GRAMD1A: variants seen among roughly 807,000 people sequenced by gnomAD.
GRAMD1A encodes the protein protein Aster-A.
GRAMD1A carries 50 observed loss-of-function variants against 92.0 expected under a neutral mutation model. The ratio of observed to expected loss-of-function variants is 0.54; its 90% CI spans 0.43 to 0.69. GRAMD1A has a LOEUF of 0.69. GRAMD1A is among the 30% of genes least tolerant of loss of function. The probability of loss-of-function intolerance (pLI) is 0.00; values close to 1 mark genes in which losing one functional copy is unlikely to be tolerated. For synonymous variants in GRAMD1A, 405 were observed against 403.6 expected, an observed-to-expected ratio of 1.00 and a Z score of -0.04; for missense variants, 819 against 978.9, an observed-to-expected ratio of 0.84 and a Z score of 2.18.
At chr19:35,005,999 A>G (rs1390473921) in intron 1 of GRAMD1A, 1 of 456,028 alleles carries the variant, frequency 2.2e-6, no homozygotes, top group African/African-American at 2.0e-5. Context: ...AGAATACATC[A>G]AGGCCCCTAA....
chr19:34,998,806 T>G (rs2014152945), upstream of GRAMD1A, among the ~76,000 whole-genome samples: 5 of 122,906 alleles, frequency 4.1e-5, no homozygotes, highest in African/African-American at 3.1e-5. Context: ...GGCACGGCGA[T>G]AGGGGGGGTG....
At chr19:34,995,584 T>TTTTG (rs2014002475), upstream of GRAMD1A, among the ~76,000 whole-genome samples, 1 of 143,738 alleles carries the variant, frequency 7.0e-6, no homozygotes, top group African/African-American at 2.6e-5. Flanking sequence ...TTTTTTTTTT[T>TTTTG]TTTTTTTTTT....
chr19:35,016,031 A>G, intron 11 of GRAMD1A, 64 bp downstream of exon 11: 1 of 1,546,224 alleles, frequency 6.5e-7, no homozygotes, highest in Non-Finnish European at 8.8e-7. Context: ...GAGGAAGGGT[A>G]GCCCAGGACA....
At chr19:35,007,614 C>T (rs2014919119) in intron 1 of GRAMD1A, among the ~76,000 whole-genome samples, 1 of 152,002 alleles carries the variant, frequency 6.6e-6, no homozygotes, top group Non-Finnish European at 1.5e-5. Context: ...CCTGTAATAC[C>T]AGCACTTTGG....
chr19:35,016,298 G>C (rs562016535), intron 11 of GRAMD1A, among the ~76,000 whole-genome samples: 2 of 142,562 alleles, frequency 1.4e-5, no homozygotes. Flanking sequence ...ATAAATACAA[G>C]TTAAGAGGCT....
In GRAMD1A at chr19:35,015,976, G is replaced by T. The variant is rs902646824; in HGVS notation, c.1213+9G>T. 6.2e-7 allele frequency: 1 copy of T among 1,611,364 alleles called. No individual in the cohort carries two copies. Among genetic ancestry groups the T allele is most frequent in the Middle Eastern group, 1.7e-4 (1 of 6,044 alleles). ...GCAGTGCAAGTTCACAGGTCAGCGG[G>T]CGCATGAAGGAGAGGCTGAGGTTAC... is the stretch of plus-strand genomic sequence containing the variant. On this transcript the variant is annotated intron_variant, in intron 11 of 19. Coordinates refer to ENST00000317991, the MANE Select transcript of GRAMD1A (RefSeq NM_020895.5).
chr19:35,019,371 C>A lies in GRAMD1A; in HGVS notation c.1333-20C>A. The A allele has an allele frequency of 6.2e-7, 1 of 1,613,558 alleles. No homozygotes were observed. The highest frequency in any genetic ancestry group is 1.1e-5 in the South Asian group (1 of 91,044). On this transcript the variant is annotated intron_variant, in intron 12 of 19. Transcript: ENST00000317991. ...TGGGTGAGTGGGGTGGCCCTGACTT[C>A]TCCGGCTCTGTCCCTGCAGACGCTG...
rs1347989738 is a variant in GRAMD1A, at chr19:35,014,289, A to G, written c.971A>G (p.Gln324Arg). The change falls in exon 10 of 20, where the codon CAG (glutamine) becomes CGG (arginine). Residue 324 changes from glutamine (Q) to arginine (R), a missense_variant. Physicochemically the swap from Gln to Arg is conservative, Grantham distance 43. Around this residue, in one of 3 missense-constraint regions of GRAMD1A, gnomAD observed 577 missense variants for 674.6 expected, o/e 0.86. Transcript: ENST00000317991. ...GAACCCCCGAGCACAGAGCCCACCC[A>G]GCCTGACGGGCCCACCACCCTGGGC... ...VAEPPSTEPTQPDGPTTLGPL... is the reference protein window; with the variant it reads ...VAEPPSTEPTRPDGPTTLGPL... 4 of 1,613,978 alleles carry G rather than the reference A, an allele frequency of 2.5e-6. No individual in the cohort carries two copies. The highest frequency in any genetic ancestry group is 1.7e-5 in the Admixed American group (1 of 60,004).
At position 35,016,094 on chromosome 19, in the gene GRAMD1A, C is replaced by G. The variant is rs973225363; in HGVS notation, c.1213+127C>G. 1.2e-5 allele frequency: 12 copies of G among 998,230 alleles called. No homozygotes were observed. The African/African-American group carries it at 1.8e-4, about 15-fold the overall frequency. 61.8% of individuals were successfully genotyped at this position (998,230 alleles called of 1,614,324 possible). On this transcript the variant is annotated intron_variant, in intron 11 of 19. Transcript: ENST00000317991. ...AAGGCGAGGTGGTGAAAAGCAATGT[C>G]TGTCAGACCAGAAGCAGCTCTGCCA...
Position 35,013,145 on chromosome 19 carries a change from C to T in GRAMD1A, c.607-111C>T. ...GTCTGGTGCGGGAGATCGTGGCTGCCTCCTTGTGGAAGCCAGGGGAACTGC... is the reference window on the plus strand; with the variant it reads ...GTCTGGTGCGGGAGATCGTGGCTGCTTCCTTGTGGAAGCCAGGGGAACTGC... On this transcript the variant is annotated intron_variant, in intron 7 of 19. Coordinates refer to ENST00000317991, the MANE Select transcript of GRAMD1A (RefSeq NM_020895.5). This position sits in a 1 kb window ranked among gnomAD's most constrained non-coding sequence, Gnocchi z 4.9. The T allele has an allele frequency of 1.6e-6, 1 of 630,036 alleles. No individual in the cohort carries two copies. Among genetic ancestry groups the T allele is most frequent in the East Asian group, 2.8e-5 (1 of 36,292 alleles). The allele number at this position is 630,036 out of a possible 1,614,324, so 39.0% of individuals were successfully genotyped here.
In GRAMD1A at chr19:35,022,917, G is replaced by A. The variant is rs751602984; in HGVS notation, c.1853+6G>A. On this transcript the variant is annotated splice_donor_region_variant and intron_variant, in intron 17 of 19. Coordinates refer to ENST00000317991, the MANE Select transcript of GRAMD1A (RefSeq NM_020895.5). ...TGCTGCAGGATCTGTGTGAGGTAGG[G>A]TCCCGAGTCCTCCCCCTGCCCTCCC... The A allele has an allele frequency of 1.1e-5, 18 of 1,596,714 alleles. No individual in the cohort carries two copies. The highest frequency in any genetic ancestry group is 1.5e-5 in the Non-Finnish European group (17 of 1,170,690).
intron 10 of GRAMD1A, 76 bp from the exon 11 acceptor site, chr19:35,015,748 G>C: frequency 1.4e-6 from 2 of 1,443,192 alleles, no homozygotes; most frequent in East Asian, 2.3e-5. Context: ...ACAAGGCCTG[G>C]GAGTGGGGAG....
Position 35,021,541 on chromosome 19 carries a change from C to A in GRAMD1A, c.1515C>A (p.Ser505Arg). The change falls in exon 14 of 20, where the codon AGC becomes AGA. Residue 505 changes from serine (S) to arginine (R), a missense_variant. By Grantham distance (110) the Ser-to-Arg change is moderately radical (BLOSUM62 -1). Around this residue, in one of 3 missense-constraint regions of GRAMD1A, gnomAD observed 577 missense variants for 674.6 expected, o/e 0.86. Transcript: ENST00000317991. The surrounding 1 kb of genome is among the most constrained non-coding windows in gnomAD (Gnocchi z 5.3). ...SEIRYRKQPWSLVKSLIEKNS... is the reference protein window; with the variant it reads ...SEIRYRKQPWRLVKSLIEKNS... ...TCCGCTACCGAAAGCAGCCGTGGAG[C>A]CTGGTGAAGTCGCTCATTGAGAAGA... 1 of 1,614,124 alleles carries A rather than the reference C, an allele frequency of 6.2e-7. No individual in the cohort carries two copies. The highest frequency in any genetic ancestry group is 8.5e-7 in the Non-Finnish European group (1 of 1,179,940).
Position 35,023,774 on chromosome 19 carries a change from G to A in GRAMD1A, c.2082+227G>A, listed in dbSNP as rs1000207779. ...ACGTCCTGGAGAAAAGTCCAGAGGCGTCTCACATTAGGCACGGCCGGGTTT... is the reference window on the plus strand; with the variant it reads ...ACGTCCTGGAGAAAAGTCCAGAGGCATCTCACATTAGGCACGGCCGGGTTT... On this transcript the variant is annotated intron_variant, in intron 19 of 19. Coordinates refer to ENST00000317991, the MANE Select transcript of GRAMD1A (RefSeq NM_020895.5). The A allele has an allele frequency of 1.5e-5, 7 of 472,286 alleles. No homozygotes were observed. In the Admixed American group the frequency reaches 1.5e-4, roughly 10 times the overall value. The allele number at this position is 472,286 out of a possible 1,614,324, so 29.3% of individuals were successfully genotyped here.
chr19:35,005,467 AGTG>A (rs2014740682), intron 1 of GRAMD1A, among the ~76,000 whole-genome samples: 1 of 151,848 alleles, frequency 6.6e-6, no homozygotes, highest in South Asian at 2.1e-4. Flanking sequence ...TGGGAGAGGG[AGTG>A]CAGGGCTGAT....
intron 19 of GRAMD1A, 51 bp from the exon 20 acceptor site, chr19:35,025,998 C>G (rs1254801128): frequency 1.1e-6 from 1 of 911,124 alleles, no homozygotes; most frequent in Admixed American, 1.7e-5. Context: ...GGCGACATCA[C>G]CCCCCAGCCT....
intron 6 of GRAMD1A, 49 bp from the exon 7 acceptor site, chr19:35,011,425 G>T (rs1190774187): frequency 3.5e-6 from 5 of 1,419,672 alleles, no homozygotes; most frequent in Non-Finnish European, 4.9e-6. Flanking sequence ...CCTCTGTCCT[G>T]GTCGCTCCCC....
intron 19 of GRAMD1A, 118 bp from the exon 20 acceptor site, chr19:35,025,931 G>C: frequency 1.5e-6 from 1 of 684,432 alleles, no homozygotes; most frequent in South Asian, 1.6e-5. Context: ...GGGACCCTGG[G>C]GTGGGGCAGT....
At chr19:34,996,803 C>CAAA (rs944025116), upstream of GRAMD1A, among the ~76,000 whole-genome samples, 13 of 60,464 alleles carry the variant, frequency 2.2e-4, no homozygotes, top group African/African-American at 6.4e-4. Context: ...GACTCTGTCT[C>CAAA]AAAAAAAAAA....
Sources: allele counts gnomAD v4.1 joint callset (sites outside exome capture counted in the v4.1 genomes callset), GRCh38; gene constraint gnomAD v4.1.1; regional missense constraint gnomAD v4.1.1; non-coding constraint Gnocchi (gnomAD v3.1); transcripts MANE v1.5; gene names NCBI Gene and HGNC (gene_info 2026-07-23, HGNC 2026-07-21).